Variants in PRRG1 observed in about 807,000 individuals in gnomAD.
PRRG1 encodes proline rich and Gla domain 1, also known as transmembrane gamma-carboxyglutamic acid protein 1.
In PRRG1, 5 loss-of-function variants were observed where a neutral mutation model predicts 11.8. The ratio of observed to expected loss-of-function variants is 0.42; its 90% CI spans 0.22 to 0.89. The LOEUF is 0.89. Ranked by LOEUF, PRRG1 falls within the 40% of genes least tolerant of loss-of-function variation. The pLI is 0.28. For synonymous variants in PRRG1, 66 were observed against 60.4 expected (o/e 1.09, Z -0.43); for missense variants, 155 against 166.1 (o/e 0.93, Z 0.37).
intron 3 of PRRG1, among the ~76,000 whole-genome samples, chrX:37,437,066 G>A (rs1459521772): frequency 8.9e-6 from 1 of 112,406 alleles, no homozygotes; most frequent in Non-Finnish European, 1.9e-5. Flanking sequence ...AGGTCTGACT[G>A]TTGCAGGTCA....
chrX:37,396,015 C>G (rs73203194), intron 1 of PRRG1, among the ~76,000 whole-genome samples: 1,127 of 111,786 alleles, frequency 0.01, 7 homozygotes, highest in South Asian at 0.018. Flanking sequence ...AACATAGTGT[C>G]CACTTTGCAA....
intron 1 of PRRG1, among the ~76,000 whole-genome samples, chrX:37,377,166 A>G (rs1215782499): frequency 8.9e-6 from 1 of 112,175 alleles, no homozygotes; most frequent in African/African-American, 3.2e-5. Context: ...ATTTTAAATA[A>G]AAGATTAATC....
chrX:37,396,934 A>G (rs1198680677), intron 1 of PRRG1, among the ~76,000 whole-genome samples: 1 of 112,169 alleles, frequency 8.9e-6, no homozygotes, highest in Non-Finnish European at 1.9e-5. Context: ...CAGTTGTGAC[A>G]AACAAAAATA....
intron 1 of PRRG1, among the ~76,000 whole-genome samples, chrX:37,356,041 A>T (rs1242029351): frequency 8.9e-6 from 1 of 112,698 alleles, no homozygotes; most frequent in Non-Finnish European, 1.9e-5. Context: ...CTAAACACTG[A>T]GGATACAACA....
chrX:37,441,455 C>T (rs1932975906), intron 3 of PRRG1: 1 of 753,409 alleles, frequency 1.3e-6, no homozygotes, highest in African/African-American at 2.3e-5. Context: ...CATTAGCCAT[C>T]CGCCTTCAGC....
intron 1 of PRRG1, among the ~76,000 whole-genome samples, chrX:37,350,803 C>T (rs1258835050): frequency 9.9e-5 from 11 of 111,262 alleles, no homozygotes; most frequent in Non-Finnish European, 1.7e-4. Context: ...ACAATTACCC[C>T]GCCCAACCCC....
intron 2 of PRRG1, among the ~76,000 whole-genome samples, chrX:37,412,131 T>C (rs137899836): frequency 0.018 from 2,054 of 111,945 alleles, 47 homozygotes; most frequent in African/African-American, 0.063. Flanking sequence ...GGTCGTGCTA[T>C]AGCAAAACAG....
intron 3 of PRRG1, chrX:37,441,326 AGTTCACTGG>A: frequency 1.3e-6 from 1 of 757,209 alleles, no homozygotes; most frequent in Non-Finnish European, 1.6e-6. Context: ...GACAGTGCAG[AGTTCACTGG>A]GTTGCACATG....
intron 1 of PRRG1, among the ~76,000 whole-genome samples, chrX:37,401,681 G>C (rs1931986205): frequency 9.0e-6 from 1 of 111,297 alleles, no homozygotes; most frequent in African/African-American, 3.3e-5. Flanking sequence ...ATTAGGAAAA[G>C]AGGAAGTCAA....
chrX:37,430,874 C>T (rs1932820997), intron 3 of PRRG1, among the ~76,000 whole-genome samples: 1 of 111,554 alleles, frequency 9.0e-6, no homozygotes, highest in Admixed American at 9.5e-5. Flanking sequence ...CAAAGTTTTC[C>T]CTCATACTAC....
chrX:37,450,418 T>C (rs5963537), intron 3 of PRRG1, among the ~76,000 whole-genome samples: 18,276 of 111,703 alleles, frequency 0.16, 1,890 homozygotes, highest in African/African-American at 0.39. Flanking sequence ...AGCTTTGTTT[T>C]TATCCATTCA....
At chrX:37,395,614 CA>C (rs150257827) in intron 1 of PRRG1, among the ~76,000 whole-genome samples, 299 of 62,324 alleles carry the variant, frequency 4.8e-3, no homozygotes, top group East Asian at 0.034. Context: ...GACTCCATCT[CA>C]AAAAAAAAAA....
At chrX:37,405,619 A>G (rs1932164137) in intron 1 of PRRG1, among the ~76,000 whole-genome samples, 1 of 109,559 alleles carries the variant, frequency 9.1e-6, no homozygotes, top group Admixed American at 9.8e-5. Context: ...ATTGCAGTGT[A>G]TGTTTTTTGT....
chrX:37,449,458 T>C lies in PRRG1; in HGVS notation c.172-3678T>C, dbSNP rs782200142. Among the ~76,000 whole-genome samples, 557 of 112,321 alleles carry C rather than the reference T, an allele frequency of 5.0e-3. 4 individuals carry two copies. Among genetic ancestry groups the C allele is most frequent in the Non-Finnish European group, 8.2e-3 (438 of 53,228 alleles). On this transcript the variant is annotated intron_variant, in intron 3 of 3. Transcript: ENST00000378628. ...GTGTTCGTAAATGGCAGTGAGAACA[T>C]TCAAAACAGAAAAAGCACACATTTT...
In PRRG1 at chrX:37,415,265, C is replaced by T. The variant is rs782802630; in HGVS notation, c.10+9006C>T. Among the ~76,000 whole-genome samples the T allele has an allele frequency of 1.3e-4, 15 of 111,153 alleles. No individual in the cohort carries two copies. The South Asian group carries it at 1.5e-3, about 11-fold the overall frequency. The stretch of plus-strand genomic sequence containing the variant: ...CTGTACTAAAAATACAAAAATTACC[C>T]GCGCACGGTGGTGCACCCTGTAGTA... On this transcript the variant is annotated intron_variant, in intron 2 of 3. Coordinates refer to ENST00000378628, the MANE Select transcript of PRRG1 (RefSeq NM_001142395.2).
chrX:37,414,199 A>T (rs1221293651), intron 2 of PRRG1, among the ~76,000 whole-genome samples: 1 of 111,644 alleles, frequency 9.0e-6, no homozygotes, highest in South Asian at 3.8e-4. Context: ...CCATTTTTAT[A>T]TGCTTGTTTT....
chrX:37,377,975 T>C (rs1556372880), intron 1 of PRRG1, among the ~76,000 whole-genome samples: 1 of 111,546 alleles, frequency 9.0e-6, no homozygotes, highest in Non-Finnish European at 1.9e-5. Flanking sequence ...TTCAGGTAAG[T>C]TGGGTTGAAA....
At chrX:37,390,446 A>G (rs1389008865) in intron 1 of PRRG1, among the ~76,000 whole-genome samples, 1 of 111,929 alleles carries the variant, frequency 8.9e-6, no homozygotes, top group Non-Finnish European at 1.9e-5. Flanking sequence ...ATCTGCTACA[A>G]TTACATGCAA....
chrX:37,385,283 C>T (rs1236516307), intron 1 of PRRG1, among the ~76,000 whole-genome samples: 1 of 110,487 alleles, frequency 9.1e-6, no homozygotes, highest in African/African-American at 3.3e-5. Context: ...ACACACAAAA[C>T]GTGTAATAAG....
Sources: allele counts gnomAD v4.1 joint callset (sites outside exome capture counted in the v4.1 genomes callset), GRCh38; gene constraint gnomAD v4.1.1; transcripts MANE v1.5; gene names NCBI Gene and HGNC (gene_info 2026-07-23, HGNC 2026-07-21).